Variants in BDNF observed in about 807,000 individuals in gnomAD.
BDNF encodes neurotrophic factor BDNF precursor form.
In BDNF, 1 loss-of-function variant was observed where a neutral mutation model predicts 19.5. The observed-to-expected ratio is 0.05, with a 90% CI of 0.02 to 0.24. BDNF has a LOEUF of 0.24. Ranked by LOEUF, BDNF falls within the 10% of genes least tolerant of loss-of-function variation. The pLI is 1.00. For synonymous variants in BDNF, 100 were observed against 121.6 expected, an observed-to-expected ratio of 0.82 and a Z score of 1.17; for missense variants, 195 against 317.6, an observed-to-expected ratio of 0.61 and a Z score of 2.93.
Position 27,657,775 on chromosome 11 carries a change from G to A in BDNF, c.*46C>T. On this transcript the variant is annotated 3_prime_UTR_variant, in exon 2 of 2. Coordinates refer to ENST00000356660, the MANE Select transcript of BDNF (RefSeq NM_001709.5). This position sits in a 1 kb window ranked among gnomAD's most constrained non-coding sequence, Gnocchi z 5.0. ...ACCCTGTTATGTATATATACAAATA[G>A]ATAATTTTTGTCTCAATATAATCTA... 6.2e-7 allele frequency: 1 copy of A among 1,602,864 alleles called. No homozygotes were observed. The highest frequency in any genetic ancestry group is 8.5e-7 in the Non-Finnish European group (1 of 1,171,090).
chr11:27,709,536 A>G (rs1369276227), intron 1 of BDNF, among the ~76,000 whole-genome samples: 1 of 152,216 alleles, frequency 6.6e-6, no homozygotes, highest in Non-Finnish European at 1.5e-5. Flanking sequence ...CAAACTGTCC[A>G]TTGTTTCCTT....
intron 1 of BDNF, among the ~76,000 whole-genome samples, chr11:27,678,143 A>G (rs1229989705): frequency 1.3e-5 from 2 of 152,186 alleles, no homozygotes; most frequent in Non-Finnish European, 2.9e-5. Flanking sequence ...TGGGTGATCA[A>G]ATTCAAAAAC....
intron 1 of BDNF, among the ~76,000 whole-genome samples, chr11:27,691,823 A>AT (rs1475655264): frequency 2.0e-5 from 3 of 152,226 alleles, no homozygotes; most frequent in Non-Finnish European, 4.4e-5. Context: ...CTTTTAGTTT[A>AT]TATTTAAAAA....
chr11:27,699,204 C>T (rs1226313315), intron 1 of BDNF, among the ~76,000 whole-genome samples: 1 of 151,886 alleles, frequency 6.6e-6, no homozygotes, highest in Non-Finnish European at 1.5e-5. Flanking sequence ...CCCTCCACCC[C>T]GGTCCCTCAT....
intron 1 of BDNF, among the ~76,000 whole-genome samples, chr11:27,669,517 C>T (rs1440584902): frequency 1.3e-5 from 2 of 152,186 alleles, no homozygotes; most frequent in Admixed American, 6.5e-5. Context: ...CCCATCATCT[C>T]AGCCCAAAAT....
intron 1 of BDNF, among the ~76,000 whole-genome samples, chr11:27,690,317 C>T (rs897355066): frequency 6.6e-6 from 1 of 152,004 alleles, no homozygotes; most frequent in African/African-American, 2.4e-5. Flanking sequence ...TGGTCATTTG[C>T]CTGTCTGTCT....
intron 1 of BDNF, among the ~76,000 whole-genome samples, chr11:27,668,875 T>C (rs187977864): frequency 1.3e-5 from 2 of 152,106 alleles, no homozygotes; most frequent in African/African-American, 2.4e-5. Context: ...TTCTAATCAA[T>C]AGAAAAAGAG....
chr11:27,705,114 A>G (rs376728622), upstream of BDNF, among the ~76,000 whole-genome samples: 1 of 152,194 alleles, frequency 6.6e-6, no homozygotes, highest in Non-Finnish European at 1.5e-5. Flanking sequence ...AGAAATATCA[A>G]CTTGTAGCCC....
In BDNF at chr11:27,705,519, C is replaced by T. The variant is rs143347597; in HGVS notation, c.3+15893G>A. Among the ~76,000 whole-genome samples, 473 of 152,222 alleles carry T rather than the reference C, an allele frequency of 3.1e-3. 2 individuals carry two copies. The highest frequency in any genetic ancestry group is 0.011 in the African/African-American group (451 of 41,528). ...AAAAAATAAGTGAACTTCCTAAAGT[C>T]TTATTTTAAAAACACACACTAAGAA... On this transcript the variant is annotated intron_variant, in intron 1 of 1. Transcript: ENST00000314915.
rs1852433366 is a variant in BDNF at position 27,655,440 on chromosome 11, G to A, written c.*2381C>T. On this transcript the variant is annotated 3_prime_UTR_variant, in exon 2 of 2. Transcript: ENST00000356660. ...TGCAATCCTTTAAGTTTGTGATGGG[G>A]GGTTGTTTGTTTTAAATTTGTCCCT... The A allele has an allele frequency of 6.6e-6, 1 of 152,212 alleles. No homozygotes were observed. Among genetic ancestry groups the A allele is most frequent in the African/African-American group, 2.4e-5 (1 of 41,426 alleles). The allele number at this position is 152,212 out of a possible 1,614,324, so 9.4% of individuals were successfully genotyped here. A position where few individuals can be genotyped will look rare whatever the true frequency, so the allele number is the denominator to read the frequency against.
At chr11:27,688,409 G>A (rs1013917202) in intron 1 of BDNF, among the ~76,000 whole-genome samples, 6 of 152,310 alleles carry the variant, frequency 3.9e-5, no homozygotes, top group Non-Finnish European at 7.3e-5. Flanking sequence ...CCTTTCCGGG[G>A]GAGTGAATGG....
Position 27,657,160 on chromosome 11 carries a change from T to G in BDNF, c.*661A>C, listed in dbSNP as rs2133774478. 1.0e-6 allele frequency: 1 copy of G among 982,348 alleles called. No homozygotes were observed. 60.9% of individuals were successfully genotyped at this position (982,348 alleles called of 1,614,324 possible). A position where few individuals can be genotyped will look rare whatever the true frequency, so the allele number is the denominator to read the frequency against. ...TGCAAACATCTTCACAACATACAAA[T>G]GTATCTTTTATCAGCCAGAATATAT... is the stretch of plus-strand genomic sequence containing the variant. On this transcript the variant is annotated 3_prime_UTR_variant, in exon 2 of 2. Coordinates refer to ENST00000356660, the MANE Select transcript of BDNF (RefSeq NM_001709.5). The surrounding 1 kb of genome is among the most constrained non-coding windows in gnomAD (Gnocchi z 5.0).
intron 1 of BDNF, among the ~76,000 whole-genome samples, chr11:27,670,411 G>A (rs1373261026): frequency 1.3e-5 from 2 of 152,072 alleles, no homozygotes; most frequent in Non-Finnish European, 2.9e-5. Flanking sequence ...TGACAAATGG[G>A]ATCTAATTAA....
At chr11:27,666,337 G>C (rs946368537) in intron 1 of BDNF, among the ~76,000 whole-genome samples, 8 of 152,184 alleles carry the variant, frequency 5.3e-5, no homozygotes, top group Non-Finnish European at 1.5e-5. Flanking sequence ...CAGAGAAGCT[G>C]AAAATTCTAA....
intron 1 of BDNF, among the ~76,000 whole-genome samples, chr11:27,715,944 T>C (rs1224636258): frequency 6.6e-6 from 1 of 152,200 alleles, no homozygotes; most frequent in Non-Finnish European, 1.5e-5. Context: ...GAAAAATCTC[T>C]TATAGGATTG....
intron 1 of BDNF, among the ~76,000 whole-genome samples, chr11:27,697,164 C>CACACAGAG (rs1182832997): frequency 1.5e-5 from 2 of 133,086 alleles, no homozygotes; most frequent in African/African-American, 5.8e-5. Context: ...CACACACACA[C>CACACAGAG]AGAGAGAGAG....
intron 1 of BDNF, among the ~76,000 whole-genome samples, chr11:27,680,980 A>G (rs1242295630): frequency 1.3e-5 from 2 of 152,224 alleles, no homozygotes; most frequent in Non-Finnish European, 2.9e-5. Context: ...TCTACAGTCC[A>G]GAAGATGAAA....
intron 1 of BDNF, chr11:27,720,835 C>G (rs1860718830): frequency 2.1e-6 from 2 of 931,072 alleles, no homozygotes; most frequent in Non-Finnish European, 2.6e-6. Flanking sequence ...ATGGCTTTGC[C>G]AAAGCCATCC....
rs535511294 is a variant in BDNF, at chr11:27,687,569, T to C, written c.-22+12595A>G. 2.6e-5 allele frequency among the ~76,000 whole-genome samples: 4 copies of C among 152,358 alleles called. No homozygotes were observed. In the South Asian group the frequency reaches 8.3e-4, roughly 32 times the overall value. On this transcript the variant is annotated intron_variant, in intron 1 of 1. Transcript: ENST00000356660. Reference sequence around the variant, plus strand: ...ATTTATCTATGTTTGATCTTTGATGTTGGCGACCTTTGTACGGGGTTTTCG... The same window carrying C: ...ATTTATCTATGTTTGATCTTTGATGCTGGCGACCTTTGTACGGGGTTTTCG...
Sources: allele counts gnomAD v4.1 joint callset (sites outside exome capture counted in the v4.1 genomes callset), GRCh38; gene constraint gnomAD v4.1.1; non-coding constraint Gnocchi (gnomAD v3.1); transcripts MANE v1.5; gene names NCBI Gene and HGNC (gene_info 2026-07-23, HGNC 2026-07-21).